The following ADARB2 variants were observed in gnomAD, a reference collection of about 807,000 sequenced individuals.
ADARB2 encodes the protein adenosine deaminase RNA specific B2 (inactive), also known as inactive double-stranded RNA-specific editase B2.
Under a neutral mutation model 62.2 loss-of-function variants are expected in ADARB2, and 25 were observed. The ratio of observed to expected loss-of-function variants is 0.40; its 90% CI spans 0.29 to 0.56. The LOEUF is 0.56. ADARB2 is among the 20% of genes least tolerant of loss of function. The pLI is 0.43. For missense variants in ADARB2, 1,071 were observed against 1,077.4 expected (o/e 0.99, Z 0.08); for synonymous variants, 572 against 500.8 (o/e 1.14, Z -1.90).
chr10:1,318,925 C>A lies in ADARB2; in HGVS notation c.1077+44103G>T, dbSNP rs75985156. Among the ~76,000 whole-genome samples, 1,207 of 152,272 alleles carry A rather than the reference C, an allele frequency of 7.9e-3. 24 individuals are homozygous for A. The highest frequency in any genetic ancestry group is 0.027 in the African/African-American group (1,106 of 41,536). ...CAGAAAATGACCCAGGGTAGATGGA[C>A]CGTGCTCCAAAGGCTTATGAATGTG... On this transcript the variant is annotated intron_variant, in intron 3 of 9. Coordinates refer to ENST00000381312, the MANE Select transcript of ADARB2 (RefSeq NM_018702.4).
chr10:1,558,194 C>T (rs959353461), intron 1 of ADARB2, among the ~76,000 whole-genome samples: 15 of 152,210 alleles, frequency 9.9e-5, no homozygotes, highest in East Asian at 3.9e-4. Context: ...AGAGACCCCG[C>T]GTGCCCCATC....
At position 1,192,811 on chromosome 10, in the gene ADARB2, C is replaced by T. The variant is rs559228311; in HGVS notation, c.1864+7155G>A. ...AAAAAAAAATTAGCCAGCCTGGTGG[C>T]GGGTGCCTGTAGTCCCAGCTACTTG... On this transcript the variant is annotated intron_variant, in intron 8 of 9. Transcript: ENST00000381312. 2.5e-3 allele frequency among the ~76,000 whole-genome samples: 374 copies of T among 152,298 alleles called. 1 individual carries two copies. Among genetic ancestry groups the T allele is most frequent in the Admixed American group, 5.3e-3 (81 of 15,300 alleles).
chr10:1,274,764 G>A (rs897166084), intron 3 of ADARB2, among the ~76,000 whole-genome samples: 4 of 152,334 alleles, frequency 2.6e-5, no homozygotes, highest in East Asian at 1.9e-4. Context: ...TTGAAGCAAC[G>A]CAACCAGTCA....
chr10:1,351,235 A>G (rs554922830), intron 3 of ADARB2, among the ~76,000 whole-genome samples: 23 of 152,122 alleles, frequency 1.5e-4, no homozygotes, highest in Non-Finnish European at 3.1e-4. Flanking sequence ...CTGCCCGATC[A>G]CCTCAGAAGC....
intron 1 of ADARB2, among the ~76,000 whole-genome samples, chr10:1,736,165 G>A (rs1263269580): frequency 1.3e-5 from 2 of 152,180 alleles, no homozygotes; most frequent in African/African-American, 4.8e-5. Context: ...CAATAACACA[G>A]GTTCCTCTAG....
At chr10:1,650,782 C>G (rs929992237) in intron 1 of ADARB2, among the ~76,000 whole-genome samples, 2 of 152,266 alleles carry the variant, frequency 1.3e-5, no homozygotes, top group South Asian at 2.1e-4. Context: ...GGAAGATGTG[C>G]GTGCCTGGAG....
intron 1 of ADARB2, among the ~76,000 whole-genome samples, chr10:1,488,181 C>T (rs966338650): frequency 1.3e-5 from 2 of 148,678 alleles, no homozygotes; most frequent in African/African-American, 2.5e-5. Context: ...TTGAGGCAAG[C>T]ATTTTCTTTG....
At position 1,200,079 on chromosome 10, in the gene ADARB2, A is replaced by G. The variant is rs1228743423; in HGVS notation, c.1751T>C (p.Ile584Thr). Residue 584 changes from isoleucine to threonine, a missense_variant, in exon 8 of 10, where the codon ATC becomes ACC. By Grantham distance (89) the Ile-to-Thr change is moderately conservative. Coordinates refer to ENST00000381312, the MANE Select transcript of ADARB2 (RefSeq NM_018702.4). ...HFVEPVYLQS[I>T]VVGSLHHTGH... ...CGTGTGGTGCAGGCTGCCCACCACG[A>G]TGCTCTGCAGGTACACGGGCTCCAC... The G allele has an allele frequency of 6.3e-7, 1 of 1,577,788 alleles. No individual in the cohort carries two copies. The highest frequency in any genetic ancestry group is 8.6e-7 in the Non-Finnish European group (1 of 1,164,200).
chr10:1,270,373 C>T (rs897410525), intron 4 of ADARB2, among the ~76,000 whole-genome samples: 1 of 152,122 alleles, frequency 6.6e-6, no homozygotes, highest in Non-Finnish European at 1.5e-5. Context: ...TCATTACACA[C>T]TCGTGAAAAA....
intron 1 of ADARB2, among the ~76,000 whole-genome samples, chr10:1,474,944 G>C (rs1049297673): frequency 6.6e-6 from 1 of 152,166 alleles, no homozygotes; most frequent in African/African-American, 2.4e-5. Context: ...GACCGAGGCG[G>C]CGGCTGCCGG....
At chr10:1,578,314 G>A (rs2492479) in intron 1 of ADARB2, among the ~76,000 whole-genome samples, 10,236 of 152,096 alleles carry the variant, frequency 0.067, 1,110 homozygotes, top group African/African-American at 0.23. Context: ...AAAATATTGC[G>A]TTACTAAAAT....
chr10:1,270,960 G>C lies in ADARB2; in HGVS notation c.1187C>G (p.Thr396Ser). The C allele has an allele frequency of 6.2e-7, 1 of 1,613,996 alleles. No individual in the cohort carries two copies. Among genetic ancestry groups the C allele is most frequent in the Non-Finnish European group, 8.5e-7 (1 of 1,179,924 alleles). ...GGAAAAGAGGAGGTGGCTACCTTTG[G>C]TCATGACGATTCCTGCCAGCGCTTT... ...RHKALAGIVM[T>S]KGLDARQAQV... The change falls in exon 4 of 10, where the codon ACC (threonine) becomes AGC (serine). Residue 396 changes from threonine (T) to serine (S), a missense_variant. Transcript: ENST00000381312.
chr10:1,515,544 A>C (rs1339244016), intron 1 of ADARB2, among the ~76,000 whole-genome samples: 1 of 152,226 alleles, frequency 6.6e-6, no homozygotes, highest in Admixed American at 6.5e-5. Context: ...GGAGAAGCTG[A>C]AGGCGTGGGA....
intron 4 of ADARB2, among the ~76,000 whole-genome samples, chr10:1,261,599 G>C (rs1020259737): frequency 4.7e-5 from 7 of 149,774 alleles, no homozygotes; most frequent in Non-Finnish European, 7.3e-5. Context: ...ACCACAATGA[G>C]ATACCATCTC....
chr10:1,308,088 AT>A (rs1014828658), intron 3 of ADARB2, among the ~76,000 whole-genome samples: 15 of 51,280 alleles, frequency 2.9e-4, no homozygotes, highest in African/African-American at 4.0e-4. Flanking sequence ...AATAAAAAAA[AT>A]AAATTAAAAA....
intron 1 of ADARB2, among the ~76,000 whole-genome samples, chr10:1,719,523 A>G (rs1456382209): frequency 6.6e-6 from 1 of 152,250 alleles, no homozygotes; most frequent in Non-Finnish European, 1.5e-5. Flanking sequence ...AATTGCTAAA[A>G]GAAACAAAAC....
At chr10:1,514,395 G>A (rs1279978427) in intron 1 of ADARB2, among the ~76,000 whole-genome samples, 5 of 151,498 alleles carry the variant, frequency 3.3e-5, no homozygotes, top group Non-Finnish European at 7.4e-5. Context: ...TCAATTATTT[G>A]AACAATAAAT....
chr10:1,476,152 G>A (rs1045028135), intron 1 of ADARB2, among the ~76,000 whole-genome samples: 24 of 152,290 alleles, frequency 1.6e-4, no homozygotes, highest in African/African-American at 5.8e-4. Flanking sequence ...GAGAAAAAAG[G>A]AAGAGAGAGA....
At chr10:1,441,639 C>T (rs1044992681) in intron 1 of ADARB2, among the ~76,000 whole-genome samples, 10 of 152,214 alleles carry the variant, frequency 6.6e-5, no homozygotes, top group African/African-American at 2.4e-4. Flanking sequence ...TACTTATTCT[C>T]ATGACATATT....
Sources: gnomAD v4.1 joint callset for allele counts (sites outside exome capture counted in the v4.1 genomes callset) on GRCh38, gnomAD v4.1.1 for gene constraint, MANE v1.5 for transcripts, NCBI Gene and HGNC (gene_info 2026-07-23, HGNC 2026-07-21) for gene names.